The following PKIB variants were observed in gnomAD, a reference collection of about 807,000 sequenced individuals.
PKIB encodes the protein PKI-beta.
In PKIB, 2 loss-of-function variants were observed where a neutral mutation model predicts 4.5. The ratio of observed to expected loss-of-function variants is 0.44; its 90% CI spans 0.18 to 1.39. The LOEUF (loss-of-function observed/expected upper bound fraction) is 1.39, where lower values mean the gene tolerates loss of function less well. PKIB is among the 40% of genes most tolerant of loss of function. PKIB has a pLI of 0.27. For synonymous variants in PKIB, 38 were observed against 36.0 expected (o/e 1.06, Z -0.20); for missense variants, 94 against 92.6 (o/e 1.02, Z -0.06).
At chr6:122,512,402 C>A (rs1411975026) in intron 2 of PKIB, among the ~76,000 whole-genome samples, 1 of 152,076 alleles carries the variant, frequency 6.6e-6, no homozygotes, top group Admixed American at 6.5e-5. Flanking sequence ...CTATACAGAC[C>A]AAATCTGGTC....
intron 2 of PKIB, chr6:122,531,137 A>G (rs938655620): frequency 1.3e-5 from 2 of 152,208 alleles, no homozygotes; most frequent in African/African-American, 4.8e-5. Context: ...ATTGTAAGGG[A>G]GCTATACAAA....
At chr6:122,536,632 C>T (rs901726633) in intron 2 of PKIB, among the ~76,000 whole-genome samples, 1 of 151,868 alleles carries the variant, frequency 6.6e-6, no homozygotes, top group Non-Finnish European at 1.5e-5. Context: ...TCCTTTATGT[C>T]CACTTTGAAA....
chr6:122,722,307 A>T (rs9482274), intron 4 of PKIB, among the ~76,000 whole-genome samples: 6,862 of 152,242 alleles, frequency 0.045, 312 homozygotes, highest in African/African-American at 0.12. Flanking sequence ...AAAAAATGAG[A>T]CTATAAGAGG....
At chr6:122,720,706 ATTT>A (rs34676757) in intron 4 of PKIB, among the ~76,000 whole-genome samples, 1 of 148,194 alleles carries the variant, frequency 6.7e-6, no homozygotes. Flanking sequence ...ATTTGAGTGT[ATTT>A]TTTTTTTTTG....
chr6:122,577,544 A>G (rs1773581109), intron 2 of PKIB, among the ~76,000 whole-genome samples: 1 of 152,146 alleles, frequency 6.6e-6, no homozygotes, highest in Admixed American at 6.5e-5. Context: ...AATATCCATG[A>G]AAAAAAGAAA....
At chr6:122,540,780 A>G (rs1262451539) in intron 2 of PKIB, among the ~76,000 whole-genome samples, 3 of 151,848 alleles carry the variant, frequency 2.0e-5, no homozygotes, top group Non-Finnish European at 4.4e-5. Flanking sequence ...TGACAGTGGG[A>G]TGTTAAAGTC....
chr6:122,604,942 C>T (rs1428408864), intron 3 of PKIB, among the ~76,000 whole-genome samples: 2 of 152,240 alleles, frequency 1.3e-5, no homozygotes, highest in Non-Finnish European at 1.5e-5. Context: ...TCCCATCCTT[C>T]TGCTTCTTAC....
intron 2 of PKIB, among the ~76,000 whole-genome samples, chr6:122,549,446 G>A (rs12207295): frequency 0.14 from 21,787 of 151,934 alleles, 1,606 homozygotes; most frequent in East Asian, 0.21. Flanking sequence ...TTTGTTTCAC[G>A]TTTTTCTCCA....
intron 2 of PKIB, among the ~76,000 whole-genome samples, chr6:122,553,518 C>T (rs1772752679): frequency 1.6e-5 from 1 of 62,642 alleles, no homozygotes. Flanking sequence ...AAAAGGCTTC[C>T]CTGACTCTTC....
chr6:122,563,143 T>A (rs917500387), intron 2 of PKIB, among the ~76,000 whole-genome samples: 1 of 152,182 alleles, frequency 6.6e-6, no homozygotes, highest in Non-Finnish European at 1.5e-5. Flanking sequence ...GATTCTTTTG[T>A]CCCATGGGGT....
Position 122,597,250 on chromosome 6 carries a change from G to T in PKIB, c.-161+11243G>T, listed in dbSNP as rs371340141. On this transcript the variant is annotated intron_variant, in intron 3 of 6. Transcript: ENST00000392491. Reference sequence around the variant, plus strand: ...GCGCGATATCTTGTAGAAGCGAAAAGTGATCAAAGTCTCTCTGAATAAGAT... The same window carrying T: ...GCGCGATATCTTGTAGAAGCGAAAATTGATCAAAGTCTCTCTGAATAAGAT... Among the ~76,000 whole-genome samples the T allele has an allele frequency of 2.9e-4, 44 of 152,344 alleles. No individual in the cohort carries two copies. In the South Asian group the frequency reaches 8.9e-3, roughly 31 times the overall value.
intron 1 of PKIB, among the ~76,000 whole-genome samples, chr6:122,610,928 C>T (rs1422771606): frequency 2.0e-5 from 3 of 152,158 alleles, no homozygotes; most frequent in Non-Finnish European, 4.4e-5. Context: ...CTTACCAAGC[C>T]CCGGGTAGTC....
intron 2 of PKIB, among the ~76,000 whole-genome samples, chr6:122,521,688 T>A (rs992442743): frequency 9.2e-5 from 14 of 151,806 alleles, no homozygotes; most frequent in African/African-American, 2.9e-4. Context: ...TCAATAAAAA[T>A]AATAATAATA....
intron 2 of PKIB, among the ~76,000 whole-genome samples, chr6:122,648,942 C>A (rs1159305066): frequency 6.6e-6 from 1 of 152,184 alleles, no homozygotes; most frequent in African/African-American, 2.4e-5. Context: ...CCACGCATAA[C>A]CTTCATGCCT....
At chr6:122,655,279 C>T (rs1259456035) in intron 2 of PKIB, among the ~76,000 whole-genome samples, 2 of 152,176 alleles carry the variant, frequency 1.3e-5, no homozygotes, top group East Asian at 3.8e-4. Flanking sequence ...TTTGTGTTCT[C>T]CTCTCCACCT....
chr6:122,523,172 CTAAG>C (rs1776994780), intron 2 of PKIB, among the ~76,000 whole-genome samples: 1 of 152,044 alleles, frequency 6.6e-6, no homozygotes, highest in Non-Finnish European at 1.5e-5. Context: ...TCCTGTGTTG[CTAAG>C]TGTTTTTTAA....
chr6:122,628,335 C>T (rs1413154482), intron 1 of PKIB, among the ~76,000 whole-genome samples: 1 of 152,218 alleles, frequency 6.6e-6, no homozygotes, highest in Non-Finnish European at 1.5e-5. Flanking sequence ...CCGCGCCCGG[C>T]CTCCAGTTCT....
intron 3 of PKIB, among the ~76,000 whole-genome samples, chr6:122,604,966 A>G (rs938539651): frequency 6.6e-6 from 1 of 152,182 alleles, no homozygotes; most frequent in Non-Finnish European, 1.5e-5. Flanking sequence ...ATAGACTCTG[A>G]TCTTCTAAAG....
chr6:122,692,566 G>A (rs566648429), intron 3 of PKIB, among the ~76,000 whole-genome samples: 46 of 151,960 alleles, frequency 3.0e-4, no homozygotes, highest in African/African-American at 8.2e-4. Context: ...CCAGGCTTGC[G>A]ACTCACCCTT....
Sources: allele counts gnomAD v4.1 joint callset (sites outside exome capture counted in the v4.1 genomes callset), GRCh38; gene constraint gnomAD v4.1.1; transcripts MANE v1.5; gene names NCBI Gene and HGNC (gene_info 2026-07-23, HGNC 2026-07-21).